Variants in UGCG observed in about 807,000 individuals in gnomAD.
The protein encoded by UGCG is UDP-glucose ceramide glucosyltransferase, also known as ceramide glucosyltransferase.
A neutral mutation model predicts 49.5 loss-of-function variants in UGCG; 10 were observed. The ratio of observed to expected loss-of-function variants is 0.20; its 90% CI spans 0.12 to 0.34. The LOEUF is 0.34. UGCG is among the 10% of genes least tolerant of loss of function. UGCG has a pLI of 1.00. For synonymous variants in UGCG, 182 were observed against 158.2 expected, an observed-to-expected ratio of 1.15 and a Z score of -1.13; for missense variants, 312 against 483.7, an observed-to-expected ratio of 0.65 and a Z score of 3.33.
At chr9:111,922,042 G>T (rs765299582) in intron 2 of UGCG, among the ~76,000 whole-genome samples, 23 of 151,540 alleles carry the variant, frequency 1.5e-4, no homozygotes, top group Non-Finnish European at 2.7e-4. Flanking sequence ...CGAGCACCTA[G>T]GCTCTAGCAG....
rs546750008 is a variant in UGCG, at chr9:111,897,153, C to T, written c.-63C>T. 26 of 1,464,188 alleles carry T rather than the reference C, an allele frequency of 1.8e-5. No homozygotes were observed. Among genetic ancestry groups the T allele is most frequent in the Non-Finnish European group, 2.3e-5 (25 of 1,088,606 alleles). 90.7% of individuals were successfully genotyped at this position (1,464,188 alleles called of 1,614,324 possible). ...CACCGGGCGCCCACCCTGTCCTCCT[C>T]CTGCGGGAGCGTTGTCCGTGTTGGC... On this transcript the variant is annotated 5_prime_UTR_variant, in exon 1 of 9. Transcript: ENST00000374279.
intron 2 of UGCG, among the ~76,000 whole-genome samples, chr9:111,916,510 C>T (rs1041852908): frequency 1.3e-5 from 2 of 152,088 alleles, no homozygotes; most frequent in African/African-American, 4.8e-5. Context: ...TGCTTTGTCA[C>T]CTAGGCTGGA....
intron 1 of UGCG, among the ~76,000 whole-genome samples, chr9:111,909,539 C>T (rs548229549): frequency 5.3e-5 from 8 of 152,292 alleles, no homozygotes; most frequent in Admixed American, 3.9e-4. Context: ...CATGTGCAAC[C>T]CAACTTCCCC....
intron 1 of UGCG, among the ~76,000 whole-genome samples, chr9:111,912,394 A>G (rs1263417827): frequency 6.6e-6 from 1 of 152,074 alleles, no homozygotes; most frequent in East Asian, 1.9e-4. Flanking sequence ...CCTGGCCAAC[A>G]TGGTGAAACC....
At chr9:111,907,208 G>A (rs1040316377) in intron 1 of UGCG, among the ~76,000 whole-genome samples, 8 of 152,170 alleles carry the variant, frequency 5.3e-5, no homozygotes, top group Admixed American at 3.9e-4. Context: ...CTCTCAAAGT[G>A]TTCCAAACAT....
At chr9:111,902,995 C>G (rs1837807948) in intron 1 of UGCG, among the ~76,000 whole-genome samples, 1 of 151,612 alleles carries the variant, frequency 6.6e-6, no homozygotes, top group South Asian at 2.1e-4. Flanking sequence ...CCAGTCTGGT[C>G]TTGAACTCCT....
chr9:111,917,785 G>A (rs2118551379), intron 2 of UGCG, among the ~76,000 whole-genome samples: 1 of 152,252 alleles, frequency 6.6e-6, no homozygotes, highest in South Asian at 2.1e-4. Flanking sequence ...CATTCCTTGG[G>A]AAGACATAAA....
At chr9:111,932,125 G>T in intron 7 of UGCG, 45 bp from the exon 8 acceptor site, 3 of 1,532,028 alleles carry the variant, frequency 2.0e-6, no homozygotes, top group Middle Eastern at 1.7e-4. Flanking sequence ...GATTTGTCTT[G>T]TAGCCAGGAT....
chr9:111,914,508 T>G (rs1838075655), intron 1 of UGCG, 97 bp from the exon 2 acceptor site: 10 of 1,259,508 alleles, frequency 7.9e-6, no homozygotes, highest in Non-Finnish European at 1.1e-5. Context: ...TTAAAAATCT[T>G]AACTTAGAAT....
chr9:111,899,494 A>G (rs1289172225), intron 1 of UGCG, among the ~76,000 whole-genome samples: 2 of 152,192 alleles, frequency 1.3e-5, no homozygotes, highest in African/African-American at 2.4e-5. Flanking sequence ...TGCTGAATTC[A>G]TCTTTCTGAT....
rs567913632 is a variant in UGCG, at chr9:111,897,929, A to C, written c.98+616A>C. ...AGTTCCTCGTTTTATTGTTTTATGTAGATTTGTACTCTCCCCGTGCCGGCC... is the reference window on the plus strand; with the variant it reads ...AGTTCCTCGTTTTATTGTTTTATGTCGATTTGTACTCTCCCCGTGCCGGCC... On this transcript the variant is annotated intron_variant, in intron 1 of 8. Transcript: ENST00000374279. 2.0e-5 allele frequency among the ~76,000 whole-genome samples: 3 copies of C among 149,486 alleles called. No individual in the cohort carries two copies. The East Asian group carries it at 5.9e-4, about 29-fold the overall frequency.
intron 7 of UGCG, among the ~76,000 whole-genome samples, chr9:111,931,721 G>A (rs769782139): frequency 6.6e-6 from 1 of 152,086 alleles, no homozygotes; most frequent in Non-Finnish European, 1.5e-5. Flanking sequence ...AAATAGAAAA[G>A]AGAGTCATTA....
intron 1 of UGCG, among the ~76,000 whole-genome samples, chr9:111,911,876 A>C (rs1838001300): frequency 8.5e-6 from 1 of 117,188 alleles, no homozygotes; most frequent in Non-Finnish European, 1.8e-5. Flanking sequence ...ACGGAGCAAG[A>C]CCCTATCTCA....
intron 1 of UGCG, among the ~76,000 whole-genome samples, chr9:111,899,511 G>A (rs1433988371): frequency 1.3e-5 from 2 of 152,140 alleles, no homozygotes. Context: ...TGATATAAAG[G>A]TTGTTTTCTG....
chr9:111,931,458 G>T, intron 7 of UGCG, 101 bp downstream of exon 7: 1 of 1,097,536 alleles, frequency 9.1e-7, no homozygotes, highest in Non-Finnish European at 1.3e-6. Context: ...GTACCTAAAG[G>T]TTGAAGATTT....
intron 1 of UGCG, among the ~76,000 whole-genome samples, chr9:111,909,751 A>G (rs1271267124): frequency 3.9e-5 from 6 of 152,164 alleles, no homozygotes; most frequent in Non-Finnish European, 8.8e-5. Flanking sequence ...ATATTCTTCT[A>G]TTGTTTTGAC....
chr9:111,915,159 A>G (rs1838090360), intron 2 of UGCG, among the ~76,000 whole-genome samples: 2 of 152,326 alleles, frequency 1.3e-5, no homozygotes, highest in Non-Finnish European at 2.9e-5. Context: ...CTCCGGAGAA[A>G]CTGGCTTTGA....
At chr9:111,921,665 T>TAAA in intron 2 of UGCG, among the ~76,000 whole-genome samples, 1 of 124,574 alleles carries the variant, frequency 8.0e-6, no homozygotes, top group Non-Finnish European at 1.7e-5. Context: ...AAAAAAAAAG[T>TAAA]TGGGTTGTTA....
chr9:111,934,198 T>A lies in UGCG; in HGVS notation c.*1201T>A, dbSNP rs958240742. ...AAGTCTAGTCTTATTTAAATTGGAT[T>A]TTTGTATTCAAGTTTATATGACAAA... On this transcript the variant is annotated 3_prime_UTR_variant, in exon 9 of 9. Transcript: ENST00000374279. The A allele has an allele frequency of 6.6e-6, 1 of 151,938 alleles. No individual in the cohort carries two copies. The highest frequency in any genetic ancestry group is 2.4e-5 in the African/African-American group (1 of 41,344). The allele number at this position is 151,938 out of a possible 1,614,324, so 9.4% of individuals were successfully genotyped here.
Sources: allele counts gnomAD v4.1 joint callset (sites outside exome capture counted in the v4.1 genomes callset), GRCh38; gene constraint gnomAD v4.1.1; transcripts MANE v1.5; gene names NCBI Gene and HGNC (gene_info 2026-07-23, HGNC 2026-07-21).